CACNA1S: variants seen among roughly 807,000 people sequenced by gnomAD.
The protein encoded by CACNA1S is calcium voltage-gated channel subunit alpha1 S, also known as voltage-dependent L-type calcium channel subunit alpha-1S.
In CACNA1S, 126 loss-of-function variants were observed where a neutral mutation model predicts 207.4. That is an observed-to-expected ratio of 0.61 (90% CI 0.53 to 0.70). CACNA1S has a LOEUF of 0.70. Among genes scored for constraint, CACNA1S ranks in the 30% least tolerant of loss-of-function variants. CACNA1S has a pLI of 0.00. For synonymous variants in CACNA1S, 960 were observed against 932.7 expected (o/e 1.03, Z -0.53); for missense variants, 2,349 against 2,422.8 (o/e 0.97, Z 0.64).
chr1:201,047,581 T>G lies in CACNA1S; in HGVS notation c.4487A>C (p.Lys1496Thr), dbSNP rs758194509. The G allele has an allele frequency of 5.0e-6, 8 of 1,614,204 alleles. No individual in the cohort carries two copies. Among genetic ancestry groups the G allele is most frequent in the Non-Finnish European group, 6.8e-6 (8 of 1,180,034 alleles). Reference sequence around the variant, plus strand: ...CTTCATGCTGGTTCTCTTCCAGATCTTCTTGATGATGGCCCTCAGCTCCTC... The same window carrying G: ...CTTCATGCTGGTTCTCTTCCAGATCGTCTTGATGATGGCCCTCAGCTCCTC... The part of the protein sequence containing the change: ...ANEELRAIIK[K>T]IWKRTSMKLL... Residue 1496 changes from lysine (K) to threonine (T), a missense_variant, in exon 37 of 44, where the codon AAG becomes ACG. Lys to Thr is a moderately conservative substitution (Grantham distance 78). Transcript: ENST00000362061.
At chr1:201,069,077 TA>T in intron 19 of CACNA1S, 59 bp downstream of exon 19, 1 of 1,451,650 alleles carries the variant, frequency 6.9e-7, no homozygotes, top group Non-Finnish European at 9.7e-7. Context: ...TCAGTGTGTG[TA>T]AACTGGAGCC....
intron 28 of CACNA1S, among the ~76,000 whole-genome samples, chr1:201,054,964 T>TA (rs1660786506): frequency 6.6e-6 from 1 of 152,198 alleles, no homozygotes; most frequent in South Asian, 2.1e-4. Context: ...TTCACATCCA[T>TA]AGTGCCCTGA....
At chr1:201,048,463 C>T (rs1223500629) in intron 36 of CACNA1S, 119 bp downstream of exon 36, 1 of 873,576 alleles carries the variant, frequency 1.1e-6, no homozygotes. Context: ...CTGGGGTCCT[C>T]CCTCTACTTC....
chr1:201,066,802 C>G lies in CACNA1S; in HGVS notation c.2657+85G>C. On this transcript the variant is annotated intron_variant, in intron 20 of 43. Coordinates refer to ENST00000362061, the MANE Select transcript of CACNA1S (RefSeq NM_000069.3). The surrounding 1 kb of genome is among the most constrained non-coding windows in gnomAD (Gnocchi z 4.3). ...CCCTCCTCTTGTGGCAGGGGCCCAC[C>G]AACATGGGTGGGACTCCCACTACAA... is the stretch of plus-strand genomic sequence containing the variant. 8 of 1,018,574 alleles carry G rather than the reference C, an allele frequency of 7.9e-6. No homozygotes were observed. The highest frequency in any genetic ancestry group is 1.2e-5 in the Non-Finnish European group (8 of 661,480). The allele number at this position is 1,018,574 out of a possible 1,614,324, so 63.1% of individuals were successfully genotyped here.
chr1:201,089,598 C>G, intron 5 of CACNA1S, 135 bp from the exon 6 acceptor site: 1 of 848,708 alleles, frequency 1.2e-6, no homozygotes, highest in Non-Finnish European at 1.9e-6. Flanking sequence ...CAAAAGACAG[C>G]TTCACATGGA....
chr1:201,048,538 C>T (rs1049468957), intron 36 of CACNA1S, 44 bp downstream of exon 36: 5 of 1,441,034 alleles, frequency 3.5e-6, no homozygotes, highest in South Asian at 3.4e-5. Context: ...CCAGAAACAG[C>T]CTCTGGGAGA....
At chr1:201,086,943 A>G (rs1473833913) in intron 7 of CACNA1S, among the ~76,000 whole-genome samples, 1 of 152,198 alleles carries the variant, frequency 6.6e-6, no homozygotes, top group African/African-American at 2.4e-5. Context: ...TTCAGTTACA[A>G]TTGTGAAAAA....
Position 201,054,521 on chromosome 1 carries a change from C to G in CACNA1S, c.3650G>C (p.Gly1217Ala). The change falls in exon 29 of 44, where the codon GGA (glycine) becomes GCA (alanine). Residue 1217 changes from glycine to alanine, a missense_variant. Transcript: ENST00000362061. ...TGAAATTACAACGTTCCCGCAGCCT[C>G]CACCCAGGCAATACAGTCCCCCGCT... ...ASSGGLYCLG[G>A]GCGNVDPDES... The G allele has an allele frequency of 6.2e-7, 1 of 1,613,900 alleles. No individual in the cohort carries two copies. Among genetic ancestry groups the G allele is most frequent in the South Asian group, 1.1e-5 (1 of 91,048 alleles).
At chr1:201,057,029 C>A (rs1167398296) in intron 28 of CACNA1S, among the ~76,000 whole-genome samples, 2 of 152,240 alleles carry the variant, frequency 1.3e-5, no homozygotes, top group African/African-American at 4.8e-5. Context: ...GCCCTCTTGT[C>A]CCCTACAGTT....
intron 2 of CACNA1S, among the ~76,000 whole-genome samples, chr1:201,106,456 C>T (rs555225749): frequency 7.2e-5 from 11 of 152,272 alleles, no homozygotes; most frequent in Admixed American, 4.6e-4. Flanking sequence ...TCCCCTCTCC[C>T]GCTTGGCCTT....
At chr1:201,073,931 C>A (rs1191349432) in intron 14 of CACNA1S, among the ~76,000 whole-genome samples, 1 of 152,100 alleles carries the variant, frequency 6.6e-6, no homozygotes, top group Non-Finnish European at 1.5e-5. Flanking sequence ...TGGGTTTATA[C>A]GAGATTCATA....
intron 10 of CACNA1S, among the ~76,000 whole-genome samples, chr1:201,082,290 C>G (rs11585193): frequency 0.24 from 36,343 of 151,944 alleles, 5,814 homozygotes; most frequent in Non-Finnish European, 0.37. Context: ...GCCTCCCAAA[C>G]TGCTGGGATT....
chr1:201,076,413 ACTC>A (rs1306078060), intron 12 of CACNA1S, among the ~76,000 whole-genome samples: 18 of 151,718 alleles, frequency 1.2e-4, no homozygotes, highest in East Asian at 7.7e-4. Context: ...CACTAAGAAA[ACTC>A]CTCCAGGAGG....
At chr1:201,048,488 A>T in intron 36 of CACNA1S, 94 bp downstream of exon 36, 1 of 1,090,704 alleles carries the variant, frequency 9.2e-7, no homozygotes, top group Non-Finnish European at 1.4e-6. Context: ...CACAGTTCTT[A>T]AGAGCAATCT....
At chr1:201,106,448 C>T (rs1337175705) in intron 2 of CACNA1S, among the ~76,000 whole-genome samples, 1 of 152,152 alleles carries the variant, frequency 6.6e-6, no homozygotes, top group Non-Finnish European at 1.5e-5. Context: ...GCCCAGAATC[C>T]CCTCTCCCGC....
intron 19 of CACNA1S, 72 bp from the exon 20 acceptor site, chr1:201,067,065 T>C (rs1661274251): frequency 1.0e-6 from 1 of 987,238 alleles, no homozygotes; most frequent in Admixed American, 1.9e-5. Flanking sequence ...GACAAGGGCT[T>C]CTCGCCTCTG....
Position 201,075,895 on chromosome 1 carries a change from C to T in CACNA1S, c.1828-280G>A, listed in dbSNP as rs1000669447. ...CCAGCTTGGCCAACATGGTGAGACCCCATCACTACTAAAAATGCAAAAATT... is the reference window on the plus strand; with the variant it reads ...CCAGCTTGGCCAACATGGTGAGACCTCATCACTACTAAAAATGCAAAAATT... On this transcript the variant is annotated intron_variant, in intron 12 of 43. Coordinates refer to ENST00000362061, the MANE Select transcript of CACNA1S (RefSeq NM_000069.3). Among the ~76,000 whole-genome samples, 6 of 152,130 alleles carry T rather than the reference C, an allele frequency of 3.9e-5. 1 individual carries two copies. The highest frequency in any genetic ancestry group is 1.4e-4 in the African/African-American group (6 of 41,414).
chr1:201,060,476 A>G (rs1351582506), intron 26 of CACNA1S, among the ~76,000 whole-genome samples, 182 bp downstream of exon 26: 2 of 152,188 alleles, frequency 1.3e-5, no homozygotes, highest in East Asian at 1.9e-4. Flanking sequence ...TTAATAAACC[A>G]TAAGTGCCTG....
chr1:201,112,002 T>TCCTCCTCCCCCAC (rs1663131288), intron 1 of CACNA1S, among the ~76,000 whole-genome samples, 186 bp downstream of exon 1: 1 of 18,814 alleles, frequency 5.3e-5, no homozygotes, highest in African/African-American at 1.6e-4. Context: ...CTCCTCTTCC[T>TCCTCCTCCCCCAC]CCTCCTCCTC....
Sources: gnomAD v4.1 joint callset for allele counts (sites outside exome capture counted in the v4.1 genomes callset) on GRCh38, gnomAD v4.1.1 for gene constraint, Gnocchi (gnomAD v3.1) non-coding constraint, MANE v1.5 for transcripts, NCBI Gene and HGNC (gene_info 2026-07-23, HGNC 2026-07-21) for gene names.